ME3: variants seen among roughly 807,000 people sequenced by gnomAD.
ME3 encodes the protein NADP-dependent malic enzyme, mitochondrial.
Under a neutral mutation model 68.9 loss-of-function variants are expected in ME3, and 48 were observed. The ratio of observed to expected loss-of-function variants is 0.70; its 90% CI spans 0.55 to 0.89. ME3 has a LOEUF of 0.89. ME3 is among the 40% of genes least tolerant of loss of function. The pLI is 0.00. For missense variants in ME3, 675 were observed against 797.4 expected (o/e 0.85, Z 1.85); for synonymous variants, 320 against 318.8 (o/e 1.00, Z -0.04).
At chr11:86,458,108 C>T (rs1360981130) in intron 8 of ME3, among the ~76,000 whole-genome samples, 2 of 152,224 alleles carry the variant, frequency 1.3e-5, no homozygotes, top group Non-Finnish European at 2.9e-5. Context: ...TATGAGGCCA[C>T]ACCTGCTTCC....
intron 2 of ME3, among the ~76,000 whole-genome samples, chr11:86,583,054 A>G (rs1391386365): frequency 2.0e-5 from 3 of 152,132 alleles, no homozygotes; most frequent in African/African-American, 7.2e-5. Context: ...CTGAAAGTTT[A>G]TGCAAACCAG....
intron 7 of ME3, among the ~76,000 whole-genome samples, chr11:86,465,778 A>G (rs1436885988): frequency 1.3e-5 from 2 of 152,222 alleles, no homozygotes; most frequent in Admixed American, 1.3e-4. Context: ...ACTGTTATCT[A>G]CTAACATCTT....
intron 4 of ME3, among the ~76,000 whole-genome samples, chr11:86,513,081 C>T (rs1371114901): frequency 6.6e-6 from 1 of 152,130 alleles, no homozygotes; most frequent in Non-Finnish European, 1.5e-5. Context: ...CTATTTTAGA[C>T]CTTACCAAAG....
At chr11:86,579,181 G>A (rs989310126) in intron 2 of ME3, among the ~76,000 whole-genome samples, 6 of 152,018 alleles carry the variant, frequency 3.9e-5, no homozygotes, top group African/African-American at 1.4e-4. Context: ...CATTTGAACC[G>A]GTATTCTTTA....
intron 13 of ME3, among the ~76,000 whole-genome samples, chr11:86,444,070 C>G (rs1368102245): frequency 6.6e-6 from 1 of 152,098 alleles, no homozygotes; most frequent in Non-Finnish European, 1.5e-5. Context: ...GGACAAGTAA[C>G]AAATGATTAT....
intron 2 of ME3, among the ~76,000 whole-genome samples, chr11:86,653,766 A>C (rs1241072177): frequency 6.6e-6 from 1 of 152,246 alleles, no homozygotes; most frequent in Non-Finnish European, 1.5e-5. Context: ...TGAAGGAGAG[A>C]GCGACACAAA....
intron 2 of ME3, among the ~76,000 whole-genome samples, chr11:86,638,065 A>T (rs183807397): frequency 2.6e-5 from 4 of 151,668 alleles, no homozygotes; most frequent in African/African-American, 9.7e-5. Flanking sequence ...CATGGCTCCC[A>T]GCTTCCCACA....
intron 2 of ME3, among the ~76,000 whole-genome samples, chr11:86,633,069 G>A (rs965915942): frequency 1.3e-5 from 2 of 152,200 alleles, no homozygotes; most frequent in African/African-American, 4.8e-5. Context: ...CGATATGCAT[G>A]TCAGTAATGA....
intron 7 of ME3, among the ~76,000 whole-genome samples, chr11:86,484,077 C>T (rs1951561403): frequency 6.6e-6 from 1 of 152,140 alleles, no homozygotes; most frequent in Non-Finnish European, 1.5e-5. Context: ...AATGGAGATT[C>T]CTTCTGTCCT....
chr11:86,615,056 C>T lies in ME3; in HGVS notation c.184-55233G>A, dbSNP rs114126234. Among the ~76,000 whole-genome samples, 1,421 of 152,202 alleles carry T rather than the reference C, an allele frequency of 9.3e-3. 19 individuals are homozygous for T. The highest frequency in any genetic ancestry group is 0.053 in the South Asian group (254 of 4,814). On this transcript the variant is annotated intron_variant, in intron 2 of 14. Coordinates refer to ENST00000543262, the Ensembl canonical transcript of ME3. The stretch of plus-strand genomic sequence containing the variant: ...AAAAAATATCACGGAGTATGAAAAA[C>T]CAAGAGCTATAGCCTTTGGCTTGAG...
chr11:86,563,485 G>A (rs140690477), intron 2 of ME3, among the ~76,000 whole-genome samples: 6 of 152,044 alleles, frequency 3.9e-5, no homozygotes, highest in African/African-American at 1.4e-4. Flanking sequence ...TCTTTTTGTT[G>A]CTATTACTTT....
Position 86,508,874 on chromosome 11 carries a change from G to T in ME3, c.468-7C>A, listed in dbSNP as rs1383239202. The stretch of plus-strand genomic sequence containing the variant: ...AATGGTGATGAACAGTCCACTAAAA[G>T]AAATAAAACACGTACACACAGAGAA... On this transcript the variant is annotated splice_region_variant and splice_polypyrimidine_tract_variant and intron_variant, in intron 4 of 14. Transcript: ENST00000543262. 1 of 1,608,564 alleles carries T rather than the reference G, an allele frequency of 6.2e-7. No individual in the cohort carries two copies. Among genetic ancestry groups the T allele is most frequent in the Admixed American group, 1.7e-5 (1 of 60,000 alleles).
At chr11:86,500,591 A>G (rs773214829) in intron 5 of ME3, among the ~76,000 whole-genome samples, 1 of 152,208 alleles carries the variant, frequency 6.6e-6, no homozygotes, top group Non-Finnish European at 1.5e-5. Flanking sequence ...ACCTTTAGTT[A>G]CTTTGAACTG....
intron 13 of ME3, among the ~76,000 whole-genome samples, chr11:86,443,281 C>T (rs887278803): frequency 6.6e-6 from 1 of 152,334 alleles, no homozygotes; most frequent in African/African-American, 2.4e-5. Flanking sequence ...TGGGTCCCAG[C>T]CTCCTTCCAC....
chr11:86,605,855 C>A (rs1355191068), intron 2 of ME3, among the ~76,000 whole-genome samples: 1 of 151,980 alleles, frequency 6.6e-6, no homozygotes, highest in East Asian at 1.9e-4. Flanking sequence ...GTTTTTTTTC[C>A]ACTTTAAACC....
intron 1 of ME3, 41 bp from the exon 2 acceptor site, chr11:86,671,999 C>G: frequency 7.5e-7 from 1 of 1,332,634 alleles, no homozygotes; most frequent in Non-Finnish European, 9.6e-7. Flanking sequence ...CTCCTTCCAG[C>G]CAGCCAGGAC....
chr11:86,635,059 C>T (rs1024361349), intron 2 of ME3, among the ~76,000 whole-genome samples: 3 of 152,192 alleles, frequency 2.0e-5, no homozygotes, highest in African/African-American at 7.2e-5. Flanking sequence ...AATCCCAGAA[C>T]TTTGGGAGGC....
chr11:86,545,076 A>G (rs1463744686), intron 4 of ME3, among the ~76,000 whole-genome samples: 1 of 152,174 alleles, frequency 6.6e-6, no homozygotes, highest in Non-Finnish European at 1.5e-5. Flanking sequence ...CAAAAACCAC[A>G]TGATTATCTC....
chr11:86,520,596 G>C (rs1040203725), intron 4 of ME3, among the ~76,000 whole-genome samples: 18 of 152,082 alleles, frequency 1.2e-4, no homozygotes, highest in Admixed American at 9.8e-4. Flanking sequence ...GTCCCTTCTA[G>C]GGCCCCTTGG....
Sources: gnomAD v4.1 joint callset for allele counts (sites outside exome capture counted in the v4.1 genomes callset) on GRCh38, gnomAD v4.1.1 for gene constraint, MANE v1.5 for transcripts, NCBI Gene and HGNC (gene_info 2026-07-23, HGNC 2026-07-21) for gene names.